Variants in MYO5C observed in about 807,000 individuals in gnomAD.
MYO5C encodes unconventional myosin-Vc.
Under a neutral mutation model 235.7 loss-of-function variants are expected in MYO5C, and 194 were observed. The ratio of observed to expected loss-of-function variants is 0.82; its 90% CI spans 0.73 to 0.93. The LOEUF is 0.93. MYO5C is among the 40% of genes least tolerant of loss of function. MYO5C has a pLI of 0.00. For missense variants in MYO5C, 2,038 were observed against 2,127.2 expected, an observed-to-expected ratio of 0.96 and a Z score of 0.82; for synonymous variants, 707 against 754.8, an observed-to-expected ratio of 0.94 and a Z score of 1.04.
In MYO5C at chr15:52,279,121, T is replaced by C. The variant is rs151000366; in HGVS notation, c.305-104A>G. 1.0e-3 allele frequency: 1,309 copies of C among 1,248,854 alleles called. 8 individuals are homozygous for C. In the African/African-American group the frequency reaches 0.018, roughly 17 times the overall value. The allele number at this position is 1,248,854 out of a possible 1,614,324, so 77.4% of individuals were successfully genotyped here. A position where few individuals can be genotyped will look rare whatever the true frequency, so the allele number is the denominator to read the frequency against. On this transcript the variant is annotated intron_variant, in intron 3 of 40. Coordinates refer to ENST00000261839, the MANE Select transcript of MYO5C (RefSeq NM_018728.4). ...CAGCTCTGTCGCTTATTAAACCTTC[T>C]GTGTGACTTTGGGCAAGTCACTTCA...
intron 35 of MYO5C, among the ~76,000 whole-genome samples, chr15:52,209,037 C>A (rs1596141123): frequency 6.6e-6 from 1 of 152,082 alleles, no homozygotes; most frequent in South Asian, 2.1e-4. Flanking sequence ...GATGGGGAGG[C>A]AGAGCAGCCA....
chr15:52,235,882 T>C, intron 22 of MYO5C, 119 bp from the exon 23 acceptor site: 1 of 655,828 alleles, frequency 1.5e-6, no homozygotes, highest in East Asian at 2.8e-5. Context: ...TCTCAGCTCC[T>C]GTCTATAGAT....
chr15:52,285,707 G>A (rs147841285), intron 1 of MYO5C, among the ~76,000 whole-genome samples: 113 of 152,378 alleles, frequency 7.4e-4, no homozygotes, highest in East Asian at 5.8e-3. Flanking sequence ...CGAACCACGA[G>A]TGATCCGCCA....
chr15:52,205,486 C>T (rs1566961016), intron 37 of MYO5C: 1 of 333,574 alleles, frequency 3.0e-6, no homozygotes, highest in South Asian at 6.8e-5. Flanking sequence ...GGAAAGTATA[C>T]AAGAATTCGA....
Position 52,247,587 on chromosome 15 carries a change from A to C in MYO5C, c.1752T>G (p.His584Gln). 1 of 1,614,166 alleles carries C rather than the reference A, an allele frequency of 6.2e-7. No individual in the cohort carries two copies. Among genetic ancestry groups the C allele is most frequent in the Non-Finnish European group, 8.5e-7 (1 of 1,179,992 alleles). Residue 584 changes from histidine to glutamine, a missense_variant, in exon 15 of 41, where the codon CAT (histidine) becomes CAG (glutamine). Physicochemically the swap from His to Gln is conservative, Grantham distance 24 (BLOSUM62 0). Coordinates refer to ENST00000261839, the MANE Select transcript of MYO5C (RefSeq NM_018728.4). ...LVEILRASKF[H>Q]LCANFFQENP... Reference sequence around the variant, plus strand: ...TTTCTTGAAAAAAGTTGGCACAGAGATGAAACTGGAAGGAACAGAGAGGAT... The same window carrying C: ...TTTCTTGAAAAAAGTTGGCACAGAGCTGAAACTGGAAGGAACAGAGAGGAT...
chr15:52,222,835 G>C (rs923753339), intron 29 of MYO5C, among the ~76,000 whole-genome samples: 2 of 152,184 alleles, frequency 1.3e-5, no homozygotes, highest in African/African-American at 4.8e-5. Flanking sequence ...CAGTGGCTAG[G>C]AATGCACGTC....
chr15:52,269,713 A>G, intron 8 of MYO5C, 40 bp downstream of exon 8: 4 of 1,339,146 alleles, frequency 3.0e-6, no homozygotes, highest in South Asian at 1.2e-5. Flanking sequence ...TTTTTTTAAG[A>G]GAAAATGGCT....
At chr15:52,271,061 C>T (rs984061167) in intron 7 of MYO5C, among the ~76,000 whole-genome samples, 1 of 152,114 alleles carries the variant, frequency 6.6e-6, no homozygotes, top group Non-Finnish European at 1.5e-5. Context: ...TAATGAATGA[C>T]CTTGAGCCAT....
At chr15:52,250,242 C>CTTTT (rs926393877) in intron 13 of MYO5C, among the ~76,000 whole-genome samples, 3 of 85,684 alleles carry the variant, frequency 3.5e-5, no homozygotes, top group African/African-American at 4.3e-5. Flanking sequence ...TTTTCTTTTT[C>CTTTT]TTTTTCTTTT....
At chr15:52,289,038 G>A (rs895123378) in intron 1 of MYO5C, among the ~76,000 whole-genome samples, 2 of 152,168 alleles carry the variant, frequency 1.3e-5, no homozygotes, top group Non-Finnish European at 2.9e-5. Context: ...AAGATGGGAC[G>A]ACATGTGTTT....
intron 32 of MYO5C, 50 bp from the exon 33 acceptor site, chr15:52,214,740 A>AAT: frequency 1.0e-6 from 1 of 981,750 alleles, no homozygotes; most frequent in Non-Finnish European, 1.4e-6. Flanking sequence ...ACTTTAATCT[A>AAT]TTTTTTTTTT....
Position 52,295,684 on chromosome 15 carries a change from T to C in MYO5C, c.-48A>G, listed in dbSNP as rs976781114. 15 of 1,299,212 alleles carry C rather than the reference T, an allele frequency of 1.2e-5. 1 individual carries two copies. The highest frequency in any genetic ancestry group is 1.5e-5 in the Non-Finnish European group (15 of 998,716). 80.5% of individuals were successfully genotyped at this position (1,299,212 alleles called of 1,614,324 possible). A position where few individuals can be genotyped will look rare whatever the true frequency, so the allele number is the denominator to read the frequency against. ...GCCGGGGCTGCCGAACGTGCGAGGC[T>C]CGGGGGCTGGGCCTGCGCCGCAGAG... On this transcript the variant is annotated 5_prime_UTR_variant, in exon 1 of 41. Transcript: ENST00000261839.
chr15:52,244,599 A>T, intron 18 of MYO5C, 32 bp from the exon 19 acceptor site: 1 of 1,478,576 alleles, frequency 6.8e-7, no homozygotes, highest in Non-Finnish European at 9.4e-7. Context: ...GTTAGAATTA[A>T]AATCTGTCAG....
intron 8 of MYO5C, among the ~76,000 whole-genome samples, chr15:52,268,211 G>T (rs955179365): frequency 5.3e-5 from 8 of 152,174 alleles, no homozygotes; most frequent in Non-Finnish European, 8.8e-5. Flanking sequence ...CAGGCCACAA[G>T]AATGAAAGCA....
Position 52,276,800 on chromosome 15 carries a change from A to AT in MYO5C, c.450-1083dup, listed in dbSNP as rs886169481. On this transcript the variant is annotated intron_variant, in intron 4 of 40. Coordinates refer to ENST00000261839, the MANE Select transcript of MYO5C (RefSeq NM_018728.4). ...ACATGCTCTGTTATATAATTTAGAG[A>AT]TTTTTTAAAAATGCATTAAACTTTT... Among the ~76,000 whole-genome samples, 19 of 152,290 alleles carry AT rather than the reference A, an allele frequency of 1.2e-4. No individual in the cohort carries two copies. In the East Asian group the frequency reaches 3.1e-3, roughly 25 times the overall value.
intron 1 of MYO5C, among the ~76,000 whole-genome samples, 150 bp downstream of exon 1, chr15:52,295,449 TGGCCCCTCCGC>T (rs2037480826): frequency 1.3e-5 from 2 of 152,156 alleles, no homozygotes; most frequent in African/African-American, 2.4e-5. Flanking sequence ...CCGGTCCCCG[TGGCCCCTCCGC>T]GGCGCCTCCG....
At chr15:52,222,934 G>A (rs143839954) in intron 29 of MYO5C, among the ~76,000 whole-genome samples, 3,397 of 152,130 alleles carry the variant, frequency 0.022, 56 homozygotes, top group Non-Finnish European at 0.033. Context: ...GGCGGATCAC[G>A]AGGTCAGGAG....
chr15:52,213,060 C>T (rs975948551), intron 34 of MYO5C, 128 bp downstream of exon 34: 16 of 663,330 alleles, frequency 2.4e-5, no homozygotes, highest in Non-Finnish European at 3.8e-5. Context: ...TTGAGAAACT[C>T]TGGGCTGGGG....
At chr15:52,248,655 T>C (rs751636252) in intron 14 of MYO5C, 45 bp downstream of exon 14, 1 of 1,310,304 alleles carries the variant, frequency 7.6e-7, no homozygotes, top group Non-Finnish European at 1.1e-6. Flanking sequence ...TCTAGATCCA[T>C]GTCAATTATA....
Sources: allele counts gnomAD v4.1 joint callset (sites outside exome capture counted in the v4.1 genomes callset), GRCh38; gene constraint gnomAD v4.1.1; transcripts MANE v1.5; gene names NCBI Gene and HGNC (gene_info 2026-07-23, HGNC 2026-07-21).